The following ERI2 variants were observed in gnomAD, a reference collection of about 807,000 sequenced individuals.
ERI2 encodes ERI1 exoribonuclease family member 2.
In ERI2, 35 loss-of-function variants were observed where a neutral mutation model predicts 46.8. The ratio of observed to expected loss-of-function variants is 0.75; its 90% CI spans 0.57 to 0.99. The LOEUF is 0.99. Ranked by LOEUF, ERI2 falls within the 50% of genes least tolerant of loss-of-function variation. The pLI is 0.00. For synonymous variants in ERI2, 224 were observed against 271.0 expected (o/e 0.83, Z 1.70); for missense variants, 695 against 796.2 (o/e 0.87, Z 1.53).
In ERI2 at chr16:20,799,039, A is replaced by T. The variant is rs1297850953; in HGVS notation, c.761T>A (p.Leu254Gln). 2 of 1,516,156 alleles carry T rather than the reference A, an allele frequency of 1.3e-6. No individual in the cohort carries two copies. The highest frequency in any genetic ancestry group is 4.9e-5 in the East Asian group (2 of 40,754). 93.9% of individuals were successfully genotyped at this position (1,516,156 alleles called of 1,614,324 possible). A position where few individuals can be genotyped will look rare whatever the true frequency, so the allele number is the denominator to read the frequency against. Reference sequence around the variant, plus strand: ...TTGAATTGTATTCAAATTTCTGGCCAGAATGCTGAAATTCTTCTTAGTGGG... The same window carrying T: ...TTGAATTGTATTCAAATTTCTGGCCTGAATGCTGAAATTCTTCTTAGTGGG... ...KVPTKKNFSI[L>Q]ARNLNTIQVE... The change falls in exon 9 of 9, where the codon CTG becomes CAG. Residue 254 changes from leucine to glutamine, a missense_variant. Transcript: ENST00000357967.
At chr16:20,791,597 A>C (rs960705537), downstream of ERI2, among the ~76,000 whole-genome samples, 2 of 152,188 alleles carry the variant, frequency 1.3e-5, no homozygotes, top group African/African-American at 4.8e-5. Flanking sequence ...TGCTTCTCAA[A>C]GGAGCCAAAC....
chr16:20,781,303 C>T (rs1264026367), intron 10 of ERI2, among the ~76,000 whole-genome samples: 1 of 152,168 alleles, frequency 6.6e-6, no homozygotes, highest in African/African-American at 2.4e-5. Flanking sequence ...TCTGTATCCA[C>T]AGGTTCTGCA....
chr16:20,803,467 C>T lies in ERI2; in HGVS notation c.141G>A (p.Trp47Ter), dbSNP rs1216402107. Residue 47 changes from tryptophan to a stop codon, truncating the protein, a stop_gained, in exon 3 of 9, where the codon TGG (tryptophan) becomes TGA (stop). Coordinates refer to ENST00000357967, the MANE Select transcript of ERI2 (RefSeq NM_001142725.2). LOFTEE classifies it high-confidence loss of function. Reference sequence around the variant, plus strand: ...GGCTATGGTGGTGCTTCCCATCATTCCAGCATGTCGATTCAAAATCAATGA... The same window carrying T: ...GGCTATGGTGGTGCTTCCCATCATTTCAGCATGTCGATTCAAAATCAATGA... ...LIVIDFESTC[W>*]NDGKHHHSQE... 6.2e-7 allele frequency: 1 copy of T among 1,614,014 alleles called. No homozygotes were observed. The highest frequency in any genetic ancestry group is 8.5e-7 in the Non-Finnish European group (1 of 1,179,918).
At chr16:20,787,597 G>A (rs1027412392) in intron 10 of ERI2, among the ~76,000 whole-genome samples, 2 of 152,198 alleles carry the variant, frequency 1.3e-5, no homozygotes, top group Admixed American at 6.5e-5. Context: ...GTAGTTTTTA[G>A]GATCAAATAA....
exon 11 of ERI2, chr16:20,780,724 G>A: frequency 6.2e-7 from 1 of 1,614,212 alleles, no homozygotes; most frequent in Non-Finnish European, 8.5e-7. Flanking sequence ...ACATGCCAGT[G>A]ACAGCCACAC....
At chr16:20,784,863 TAGGGAG>T in intron 10 of ERI2, 1 of 1,062,454 alleles carries the variant, frequency 9.4e-7, no homozygotes, top group Non-Finnish European at 1.3e-6. Context: ...TGTTTTGTGC[TAGGGAG>T]AGGAATTAAA....
intron 10 of ERI2, among the ~76,000 whole-genome samples, chr16:20,787,242 C>A (rs958576394): frequency 6.6e-6 from 1 of 152,180 alleles, no homozygotes; most frequent in African/African-American, 2.4e-5. Context: ...GCATGGCTGA[C>A]TGGGAGCTGT....
At chr16:20,788,256 G>T (rs1437061213) in intron 10 of ERI2, among the ~76,000 whole-genome samples, 1 of 152,160 alleles carries the variant, frequency 6.6e-6, no homozygotes, top group Non-Finnish European at 1.5e-5. Context: ...ACTCATGTCT[G>T]CATTACAGGG....
chr16:20,804,109 C>T (rs2080824317), intron 1 of ERI2, among the ~76,000 whole-genome samples: 1 of 151,916 alleles, frequency 6.6e-6, no homozygotes, highest in Non-Finnish European at 1.5e-5. Flanking sequence ...CCACCTCAGC[C>T]CCTCAAAGTG....
downstream of ERI2, chr16:20,791,863 G>A: frequency 1.1e-6 from 1 of 909,090 alleles, no homozygotes. Flanking sequence ...GGGAGGCAGA[G>A]GTTGCAGTAA....
chr16:20,805,954 A>C, intron 1 of ERI2: 1 of 1,020,458 alleles, frequency 9.8e-7, no homozygotes, highest in Non-Finnish European at 1.2e-6. Flanking sequence ...TTCTGCAGGA[A>C]GTAAAAATGG....
At position 20,797,928 on chromosome 16, in the gene ERI2, G is replaced by T. The variant is rs1415264887; in HGVS notation, c.1872C>A (p.Ile624=). ...NHGKVFYCCP[I]GKYQENRKCC... ...ATTTTCTGTTTTCTTGGTATTTCCCGATAGGGCAACAATAGAAGACTTTTC... is the reference window on the plus strand; with the variant it reads ...ATTTTCTGTTTTCTTGGTATTTCCCTATAGGGCAACAATAGAAGACTTTTC... Residue 624 remains isoleucine, a synonymous_variant, in exon 9 of 9, where the codon ATC becomes ATA. Transcript: ENST00000357967. The T allele has an allele frequency of 6.4e-7, 1 of 1,551,706 alleles. No homozygotes were observed. The highest frequency in any genetic ancestry group is 8.7e-7 in the Non-Finnish European group (1 of 1,146,934).
chr16:20,803,741 C>A, intron 1 of ERI2, 71 bp from the exon 2 acceptor site: 1 of 1,524,850 alleles, frequency 6.6e-7, no homozygotes, highest in Non-Finnish European at 9.0e-7. Context: ...GGCTACCAAA[C>A]TAATGGTACT....
In ERI2 at chr16:20,799,071, T is replaced by G; in HGVS notation, c.733-4A>C. On this transcript the variant is annotated splice_region_variant and splice_polypyrimidine_tract_variant and intron_variant, in intron 8 of 8. Coordinates refer to ENST00000357967, the MANE Select transcript of ERI2 (RefSeq NM_001142725.2). The stretch of plus-strand genomic sequence containing the variant: ...TGAAATTCTTCTTAGTGGGAACCTA[T>G]GATTCCACAGACAAATGCAACAGCT... 1 of 1,497,814 alleles carries G rather than the reference T, an allele frequency of 6.7e-7. No homozygotes were observed. The highest frequency in any genetic ancestry group is 8.9e-7 in the Non-Finnish European group (1 of 1,127,814). The allele number at this position is 1,497,814 out of a possible 1,614,324, so 92.8% of individuals were successfully genotyped here.
At chr16:20,792,744 G>A, downstream of ERI2, 1 of 984,696 alleles carries the variant, frequency 1.0e-6, no homozygotes, top group South Asian at 4.7e-5. Flanking sequence ...TCAGATGTCA[G>A]AAGTGGGAAC....
chr16:20,801,173 T>A (rs1203921266), intron 5 of ERI2, 30 bp downstream of exon 5: 1 of 1,552,858 alleles, frequency 6.4e-7, no homozygotes, highest in Non-Finnish European at 8.7e-7. Context: ...GCTACCCATC[T>A]GTGATTAATA....
In ERI2 at chr16:20,796,347, G is replaced by A; in HGVS notation, c.*1377C>T. The A allele has an allele frequency of 6.2e-7, 1 of 1,601,068 alleles. No individual in the cohort carries two copies. The highest frequency in any genetic ancestry group is 8.5e-7 in the Non-Finnish European group (1 of 1,176,356). ...ATACAAATGCATAACTCATTTTCCT[G>A]GTGTTTCAAATATTTATTTTAGGTA... On this transcript the variant is annotated 3_prime_UTR_variant, in exon 9 of 9. Transcript: ENST00000357967.
At chr16:20,795,362 C>A (rs2080700938), downstream of ERI2, among the ~76,000 whole-genome samples, 1 of 152,102 alleles carries the variant, frequency 6.6e-6, no homozygotes, top group East Asian at 1.9e-4. Context: ...ATTGTTCATA[C>A]AATGTAAAAC....
At position 20,785,042 on chromosome 16, in the gene ERI2, G is replaced by A. The variant is rs776152834; in HGVS notation, c.895-4308C>T. The A allele has an allele frequency of 1.8e-5, 29 of 1,613,722 alleles. No homozygotes were observed. The highest frequency in any genetic ancestry group is 6.7e-5 in the Admixed American group (4 of 59,998). On this transcript the variant is annotated intron_variant, in intron 10 of 10. Transcript: ENST00000300005. Reference sequence around the variant, plus strand: ...TGCTGGGGAACCAATTACCCCTGACGTGACTGAAAAATGGAGAAACAAGAC... The same window carrying A: ...TGCTGGGGAACCAATTACCCCTGACATGACTGAAAAATGGAGAAACAAGAC...
Sources: allele counts gnomAD v4.1 joint callset (sites outside exome capture counted in the v4.1 genomes callset), GRCh38; gene constraint gnomAD v4.1.1; transcripts MANE v1.5; gene names NCBI Gene and HGNC (gene_info 2026-07-23, HGNC 2026-07-21).